Variants in RAD51B observed in about 807,000 individuals in gnomAD.
The protein encoded by RAD51B is DNA repair protein RAD51 homolog 2.
A neutral mutation model predicts 42.2 loss-of-function variants in RAD51B; 38 were observed. The observed-to-expected ratio is 0.90, with a 90% CI of 0.70 to 1.18. RAD51B has a LOEUF of 1.18. RAD51B is among the 50% of genes most tolerant of loss of function. The pLI, the probability that RAD51B is intolerant of heterozygous loss-of-function variation, is 0.00. For synonymous variants in RAD51B, 154 were observed against 145.2 expected (o/e 1.06, Z -0.43); for missense variants, 373 against 400.7 (o/e 0.93, Z 0.59).
In RAD51B at chr14:68,468,202, T is replaced by G; in HGVS notation, c.988T>G (p.Phe330Val). The change falls in exon 10 of 11, where the codon TTC (phenylalanine) becomes GTC (valine). Residue 330 changes from phenylalanine to valine, a missense_variant. Phe to Val is a conservative substitution (Grantham distance 50). Coordinates refer to ENST00000471583, the MANE Select transcript of RAD51B (RefSeq NM_133510.4). ...TATTGCCAAGTCCCCTCTGGCTCCC[T>G]TCACCTCATTTGTCTACACCATCAA... ...ILIAKSPLAP[F>V]TSFVYTIKEE... 1 of 1,614,046 alleles carries G rather than the reference T, an allele frequency of 6.2e-7. No individual in the cohort carries two copies. Among genetic ancestry groups the G allele is most frequent in the Non-Finnish European group, 8.5e-7 (1 of 1,179,908 alleles).
At chr14:68,225,363 G>A (rs1293040133) in intron 7 of RAD51B, among the ~76,000 whole-genome samples, 4 of 152,148 alleles carry the variant, frequency 2.6e-5, no homozygotes, top group African/African-American at 9.7e-5. Flanking sequence ...TTGCTTGGAG[G>A]AGAAATCATT....
At chr14:68,520,740 G>T (rs1001480186) in intron 10 of RAD51B, among the ~76,000 whole-genome samples, 1 of 152,156 alleles carries the variant, frequency 6.6e-6, no homozygotes, top group East Asian at 1.9e-4. Context: ...AGGGTGTGGG[G>T]AAGAACAGGA....
At chr14:68,624,232 G>A (rs1892018438) in intron 10 of RAD51B, among the ~76,000 whole-genome samples, 1 of 152,102 alleles carries the variant, frequency 6.6e-6, no homozygotes, top group Non-Finnish European at 1.5e-5. Context: ...AAGGGCTGTG[G>A]TCCCCTTTGC....
At chr14:68,579,817 TAGA>T (rs1051333968) in intron 10 of RAD51B, among the ~76,000 whole-genome samples, 11 of 152,028 alleles carry the variant, frequency 7.2e-5, no homozygotes, top group African/African-American at 2.7e-4. Flanking sequence ...GGAAAGAAAA[TAGA>T]AGAGAGAAAA....
intron 7 of RAD51B, among the ~76,000 whole-genome samples, chr14:67,902,441 A>G (rs1184952718): frequency 2.0e-5 from 3 of 152,222 alleles, no homozygotes; most frequent in Non-Finnish European, 4.4e-5. Context: ...TGAACAATGA[A>G]TCAGAATTTT....
chr14:68,667,486 C>G (rs989636204), intron 11 of RAD51B, among the ~76,000 whole-genome samples: 30 of 152,210 alleles, frequency 2.0e-4, no homozygotes, highest in Non-Finnish European at 2.8e-4. Context: ...AACATCTAGA[C>G]AAGTATTTGA....
intron 10 of RAD51B, among the ~76,000 whole-genome samples, chr14:68,473,401 C>G (rs573516156): frequency 6.6e-6 from 1 of 152,196 alleles, no homozygotes; most frequent in Non-Finnish European, 1.5e-5. Context: ...TTCTGCCTGC[C>G]TCTTAGTGTG....
intron 7 of RAD51B, among the ~76,000 whole-genome samples, chr14:67,927,795 T>TATACACA (rs1566962768): frequency 1.4e-5 from 2 of 144,726 alleles, no homozygotes; most frequent in African/African-American, 5.8e-5. Context: ...AATGTGTGTG[T>TATACACA]CTTTTATGGT....
intron 7 of RAD51B, among the ~76,000 whole-genome samples, chr14:68,206,963 T>A (rs911245985): frequency 6.6e-6 from 1 of 152,214 alleles, no homozygotes; most frequent in Non-Finnish European, 1.5e-5. Flanking sequence ...CTAATTTTTT[T>A]ATATTTTTAG....
chr14:67,905,602 T>G (rs2043757167), intron 7 of RAD51B, among the ~76,000 whole-genome samples: 1 of 152,130 alleles, frequency 6.6e-6, no homozygotes, highest in Non-Finnish European at 1.5e-5. Context: ...CAGTGTTTTG[T>G]AATTCTTGTT....
At chr14:68,068,657 T>C (rs942669950) in intron 7 of RAD51B, among the ~76,000 whole-genome samples, 1 of 152,214 alleles carries the variant, frequency 6.6e-6, no homozygotes, top group African/African-American at 2.4e-5. Flanking sequence ...AGGTCATATG[T>C]TAATTTTTTG....
At chr14:68,260,108 A>G (rs1277726012) in intron 7 of RAD51B, among the ~76,000 whole-genome samples, 2 of 152,074 alleles carry the variant, frequency 1.3e-5, no homozygotes, top group African/African-American at 2.4e-5. Flanking sequence ...AAAATGGGTG[A>G]GCAGAGGAGG....
intron 7 of RAD51B, among the ~76,000 whole-genome samples, chr14:68,204,084 T>A (rs907913149): frequency 1.3e-5 from 2 of 152,234 alleles, no homozygotes; most frequent in African/African-American, 4.8e-5. Context: ...ACTTTTGCTT[T>A]GCATTCATAA....
chr14:68,122,972 C>CACACACACAG (rs1324543024), intron 7 of RAD51B, among the ~76,000 whole-genome samples: 1 of 151,982 alleles, frequency 6.6e-6, no homozygotes, highest in Non-Finnish European at 1.5e-5. Context: ...CACACACACA[C>CACACACACAG]ACACACACAG....
intron 11 of RAD51B, among the ~76,000 whole-genome samples, chr14:68,663,176 C>T (rs1292290844): frequency 6.6e-6 from 1 of 152,158 alleles, no homozygotes; most frequent in Non-Finnish European, 1.5e-5. Flanking sequence ...GTGGTGCGCA[C>T]CTATAATCCC....
intron 4 of RAD51B, among the ~76,000 whole-genome samples, chr14:67,850,938 C>T (rs2041784924): frequency 6.6e-6 from 1 of 152,164 alleles, no homozygotes; most frequent in African/African-American, 2.4e-5. Flanking sequence ...GGTTGAGAGC[C>T]TTAGGAAATG....
chr14:68,135,879 A>G (rs922244766), intron 7 of RAD51B, among the ~76,000 whole-genome samples: 1 of 152,248 alleles, frequency 6.6e-6, no homozygotes, highest in Admixed American at 6.5e-5. Context: ...TGAAGATTCT[A>G]AATATGAGAT....
At chr14:68,166,487 A>G (rs1479227447) in intron 7 of RAD51B, among the ~76,000 whole-genome samples, 1 of 152,122 alleles carries the variant, frequency 6.6e-6, no homozygotes, top group Non-Finnish European at 1.5e-5. Context: ...GCTTTCAGAA[A>G]GAGTTATTTT....
intron 7 of RAD51B, among the ~76,000 whole-genome samples, chr14:68,040,452 G>C (rs990168194): frequency 6.6e-6 from 1 of 152,068 alleles, no homozygotes; most frequent in Non-Finnish European, 1.5e-5. Flanking sequence ...TTGGGTTTAA[G>C]GTAATAGTTA....
Sources: gnomAD v4.1 joint callset for allele counts (sites outside exome capture counted in the v4.1 genomes callset) on GRCh38, gnomAD v4.1.1 for gene constraint, MANE v1.5 for transcripts, NCBI Gene and HGNC (gene_info 2026-07-23, HGNC 2026-07-21) for gene names.